Variants in MALRD1 observed in about 807,000 individuals in gnomAD.
MALRD1 encodes MAM and LDL receptor class A domain containing 1, also known as MAM and LDL-receptor class A domain-containing protein 1.
A neutral mutation model predicts 242.1 loss-of-function variants in MALRD1; 247 were observed. The observed-to-expected ratio is 1.02, with a 90% CI of 0.92 to 1.13. The LOEUF is 1.13. MALRD1 is among the 50% of genes most tolerant of loss of function. The probability of loss-of-function intolerance (pLI) is 0.00; values close to 1 mark genes in which losing one functional copy is unlikely to be tolerated. For synonymous variants in MALRD1, 995 were observed against 866.6 expected (o/e 1.15, Z -2.60); for missense variants, 2,989 against 2,533.1 (o/e 1.18, Z -3.86).
chr10:19,637,281 A>G (rs1470793703), intron 36 of MALRD1, among the ~76,000 whole-genome samples: 1 of 152,180 alleles, frequency 6.6e-6, no homozygotes, highest in Non-Finnish European at 1.5e-5. Context: ...CATGCCACCT[A>G]TTTCAGAAAC....
chr10:19,692,533 C>T lies in MALRD1; in HGVS notation c.6293C>T (p.Ala2098Val), dbSNP rs1371944587. Residue 2098 changes from alanine to valine, a missense_variant, in exon 38 of 40, where the codon GCA becomes GTA. Transcript: ENST00000454679. The stretch of plus-strand genomic sequence containing the variant: ...ACAGTTGCAGTCTTGTGTTTTCTTG[C>T]AAACAGAAAGGTACCAATAAGGTAA... Reference protein sequence around the residue: ...HITVAVLCFLANRKVPIRKTE... With the variant: ...HITVAVLCFLVNRKVPIRKTE... 1.8e-5 allele frequency: 28 copies of T among 1,535,410 alleles called. No homozygotes were observed. The East Asian group carries it at 5.9e-4, about 32-fold the overall frequency.
At chr10:19,511,070 A>C (rs188738338) in intron 31 of MALRD1, among the ~76,000 whole-genome samples, 270 of 152,338 alleles carry the variant, frequency 1.8e-3, no homozygotes, top group African/African-American at 6.1e-3. Context: ...CAGCTATATC[A>C]GTTAGTATTT....
chr10:19,274,133 T>C (rs1224676467), intron 19 of MALRD1, among the ~76,000 whole-genome samples: 1 of 152,144 alleles, frequency 6.6e-6, no homozygotes, highest in Non-Finnish European at 1.5e-5. Flanking sequence ...CAGATACATA[T>C]CCAAAATAAT....
intron 2 of MALRD1, among the ~76,000 whole-genome samples, chr10:19,086,752 G>A (rs1835681301): frequency 6.6e-6 from 1 of 152,066 alleles, no homozygotes; most frequent in African/African-American, 2.4e-5. Flanking sequence ...ACCTGAGAGG[G>A]GCCTCTGGCC....
chr10:19,125,363 TTC>T (rs1491197814), intron 7 of MALRD1, among the ~76,000 whole-genome samples: 2 of 124,780 alleles, frequency 1.6e-5, no homozygotes, highest in East Asian at 4.7e-4. Context: ...CTTTCTTTCT[TTC>T]TTTCTTTCTT....
chr10:19,115,612 A>C (rs1280696136), intron 5 of MALRD1, among the ~76,000 whole-genome samples: 1 of 152,132 alleles, frequency 6.6e-6, no homozygotes, highest in African/African-American at 2.4e-5. Flanking sequence ...TGAAAATGAA[A>C]CTATTATTTT....
intron 33 of MALRD1, among the ~76,000 whole-genome samples, chr10:19,572,807 T>C (rs1215840139): frequency 6.6e-6 from 1 of 152,142 alleles, no homozygotes; most frequent in African/African-American, 2.4e-5. Flanking sequence ...GTAACTCATC[T>C]ACAAGCCAGG....
At chr10:19,318,627 C>T (rs1487280052) in intron 21 of MALRD1, among the ~76,000 whole-genome samples, 6 of 151,644 alleles carry the variant, frequency 4.0e-5, no homozygotes, top group African/African-American at 9.7e-5. Flanking sequence ...CCTCTAGTCA[C>T]GTAATTTCTC....
chr10:19,657,807 A>ATC (rs1318293261), intron 36 of MALRD1, among the ~76,000 whole-genome samples: 6 of 152,182 alleles, frequency 3.9e-5, no homozygotes, highest in African/African-American at 1.4e-4. Context: ...AAGAAGAATC[A>ATC]AACAATATAG....
intron 19 of MALRD1, among the ~76,000 whole-genome samples, chr10:19,279,641 G>T (rs185064575): frequency 3.1e-4 from 47 of 152,320 alleles, no homozygotes; most frequent in Non-Finnish European, 2.9e-5. Context: ...ATGAGGAGAT[G>T]TTAGATTTAT....
chr10:19,495,802 C>A (rs538080840), intron 30 of MALRD1, among the ~76,000 whole-genome samples: 2 of 152,262 alleles, frequency 1.3e-5, no homozygotes, highest in African/African-American at 4.8e-5. Context: ...AAAAGCAAGA[C>A]CAAGTGGTTG....
At chr10:19,146,367 A>T in intron 11 of MALRD1, 23 bp downstream of exon 11, 1 of 1,228,418 alleles carries the variant, frequency 8.1e-7, no homozygotes, top group Non-Finnish European at 1.0e-6. Context: ...CCTCTTTAAA[A>T]AAAAATAGTT....
intron 10 of MALRD1, among the ~76,000 whole-genome samples, chr10:19,144,035 T>C (rs1360002172): frequency 6.6e-6 from 1 of 152,182 alleles, no homozygotes; most frequent in Non-Finnish European, 1.5e-5. Context: ...GAGCAATAGA[T>C]TTCCAGCTAG....
intron 28 of MALRD1, among the ~76,000 whole-genome samples, chr10:19,428,086 A>G (rs1833968221): frequency 6.8e-6 from 1 of 146,500 alleles, no homozygotes; most frequent in Admixed American, 6.8e-5. Context: ...GGACAGAATA[A>G]AGAACAGTTT....
rs140085743 is a variant in MALRD1, at chr10:19,373,062, G to A, written c.4442-14466G>A. On this transcript the variant is annotated intron_variant, in intron 26 of 39. Transcript: ENST00000454679. ...CTCAAGTGAATTTTAAAGATGAAAA[G>A]TCTGCGAAAGTGTGAATTTACACTT... Among the ~76,000 whole-genome samples, 1,371 of 151,972 alleles carry A rather than the reference G, an allele frequency of 9.0e-3. 21 individuals are homozygous for A. The highest frequency in any genetic ancestry group is 0.032 in the African/African-American group (1,310 of 41,426).
intron 28 of MALRD1, among the ~76,000 whole-genome samples, chr10:19,418,272 C>G (rs992912518): frequency 1.1e-4 from 17 of 151,872 alleles, no homozygotes; most frequent in African/African-American, 3.9e-4. Flanking sequence ...CATTCCCCCC[C>G]ACGCCCCCAA....
intron 28 of MALRD1, among the ~76,000 whole-genome samples, chr10:19,413,763 C>T (rs1277102035): frequency 2.6e-5 from 4 of 151,816 alleles, no homozygotes; most frequent in Non-Finnish European, 5.9e-5. Flanking sequence ...GCGAGTGGAT[C>T]ACAAGGTCAG....
intron 11 of MALRD1, among the ~76,000 whole-genome samples, chr10:19,150,399 G>T (rs1377037059): frequency 1.3e-5 from 2 of 150,716 alleles, no homozygotes; most frequent in Non-Finnish European, 1.5e-5. Flanking sequence ...ATTTAGGGGG[G>T]ACTGTCTGCA....
At chr10:19,554,442 C>T (rs140287773) in intron 32 of MALRD1, among the ~76,000 whole-genome samples, 1 of 152,218 alleles carries the variant, frequency 6.6e-6, no homozygotes, top group African/African-American at 2.4e-5. Context: ...AGCTTTGTTA[C>T]ATAGGTAAAT....
Sources: allele counts gnomAD v4.1 joint callset (sites outside exome capture counted in the v4.1 genomes callset), GRCh38; gene constraint gnomAD v4.1.1; transcripts MANE v1.5; gene names NCBI Gene and HGNC (gene_info 2026-07-23, HGNC 2026-07-21).